Variants in RSPO2 observed in about 807,000 individuals in gnomAD.
RSPO2 encodes the protein R-spondin-2.
RSPO2 carries 14 observed loss-of-function variants against 30.9 expected under a neutral mutation model. The ratio of observed to expected loss-of-function variants is 0.45; its 90% CI spans 0.30 to 0.71. The LOEUF (loss-of-function observed/expected upper bound fraction) is 0.71. Ranked by LOEUF, RSPO2 falls within the 30% of genes least tolerant of loss-of-function variation. RSPO2 has a pLI of 0.08. For missense variants in RSPO2, 264 were observed against 301.9 expected (o/e 0.87, Z 0.93); for synonymous variants, 107 against 96.4 (o/e 1.11, Z -0.64).
chr8:108,068,827 G>C (rs941613426), intron 2 of RSPO2, among the ~76,000 whole-genome samples: 1 of 152,202 alleles, frequency 6.6e-6, no homozygotes, highest in Admixed American at 6.5e-5. Context: ...TCCTCCCCTA[G>C]AGTCTCAGAG....
chr8:107,959,357 A>G (rs991263605), intron 4 of RSPO2, among the ~76,000 whole-genome samples: 6 of 152,200 alleles, frequency 3.9e-5, no homozygotes, highest in African/African-American at 9.7e-5. Flanking sequence ...AAGTCCACAT[A>G]GTGGAAAATA....
intron 3 of RSPO2, among the ~76,000 whole-genome samples, chr8:107,963,522 CAAAAAAAAAAAAAAA>C (rs61697128): frequency 7.8e-4 from 25 of 32,020 alleles, no homozygotes; most frequent in African/African-American, 2.9e-3. Flanking sequence ...AGACCTGTCT[CAAAAAAAAAAAAAAA>C]AAAAAAAAAA....
intron 5 of RSPO2, among the ~76,000 whole-genome samples, chr8:107,906,694 GAGC>G (rs1221339650): frequency 6.6e-6 from 1 of 151,950 alleles, no homozygotes; most frequent in African/African-American, 2.4e-5. Context: ...CAAATATGAT[GAGC>G]AGGACTGGGA....
Position 107,901,027 on chromosome 8 carries a change from C to T in RSPO2, c.*48G>A, listed in dbSNP as rs1218033363. On this transcript the variant is annotated 3_prime_UTR_variant, in exon 6 of 6. Coordinates refer to ENST00000276659, the MANE Select transcript of RSPO2 (RefSeq NM_178565.5). ...TGCAGGAGTGGAGAGTAGCTTTGTGCACATTTGCAAAAACAAAAACCCCTA... is the reference window on the plus strand; with the variant it reads ...TGCAGGAGTGGAGAGTAGCTTTGTGTACATTTGCAAAAACAAAAACCCCTA... 2 of 1,602,718 alleles carry T rather than the reference C, an allele frequency of 1.2e-6. No homozygotes were observed. The highest frequency in any genetic ancestry group is 8.5e-7 in the Non-Finnish European group (1 of 1,173,726).
chr8:107,969,282 G>A (rs749839814), intron 3 of RSPO2, among the ~76,000 whole-genome samples: 1 of 152,036 alleles, frequency 6.6e-6, no homozygotes, highest in Non-Finnish European at 1.5e-5. Flanking sequence ...TAGCTATAGA[G>A]TTCTATCTTA....
chr8:108,016,408 T>G (rs1810890299), intron 2 of RSPO2, among the ~76,000 whole-genome samples: 3 of 152,196 alleles, frequency 2.0e-5, no homozygotes, highest in Admixed American at 2.0e-4. Flanking sequence ...ACTAGACTGC[T>G]GCAAGACCAG....
rs184590471 is a variant in RSPO2 at position 107,983,919 on chromosome 8, T to A, written c.283+5137A>T. ...CCCTTGGATTTTCCATCTACAGAAC[T>A]TCCTCTTATGGAGCTCTCTGAGGAT... On this transcript the variant is annotated intron_variant, in intron 3 of 5. Transcript: ENST00000276659. The A allele has an allele frequency of 4.9e-6, 6 of 1,213,972 alleles. No individual in the cohort carries two copies. In the African/African-American group the frequency reaches 7.5e-5, roughly 15 times the overall value. 75.2% of individuals were successfully genotyped at this position (1,213,972 alleles called of 1,614,324 possible). A position where few individuals can be genotyped will look rare whatever the true frequency, so the allele number is the denominator to read the frequency against.
intron 2 of RSPO2, among the ~76,000 whole-genome samples, chr8:108,071,058 C>T (rs759518737): frequency 5.7e-4 from 87 of 152,114 alleles, no homozygotes; most frequent in Admixed American, 2.6e-4. Context: ...AAAACGACTG[C>T]TTGATATGCA....
At chr8:107,935,827 G>A (rs1207800168) in intron 5 of RSPO2, among the ~76,000 whole-genome samples, 5 of 151,674 alleles carry the variant, frequency 3.3e-5, no homozygotes, top group East Asian at 1.9e-4. Context: ...TTTTTAAATC[G>A]ATAACAAAAT....
chr8:108,010,697 G>A (rs147012028), intron 2 of RSPO2, among the ~76,000 whole-genome samples: 30 of 152,156 alleles, frequency 2.0e-4, no homozygotes, highest in Non-Finnish European at 2.8e-4. Flanking sequence ...GTCAGCACAC[G>A]CAGGGGACAG....
chr8:108,001,499 G>A (rs544848431), intron 2 of RSPO2, among the ~76,000 whole-genome samples: 2 of 152,250 alleles, frequency 1.3e-5, no homozygotes, highest in East Asian at 3.9e-4. Context: ...ATGAAAAAAA[G>A]TGTACAATTA....
chr8:107,908,187 T>C (rs1368354367), intron 5 of RSPO2, among the ~76,000 whole-genome samples: 2 of 152,142 alleles, frequency 1.3e-5, no homozygotes, highest in African/African-American at 2.4e-5. Flanking sequence ...TTCGAGTGTA[T>C]GACATGGCTT....
intron 3 of RSPO2, among the ~76,000 whole-genome samples, chr8:107,988,802 AT>A (rs2130523842): frequency 6.6e-6 from 1 of 152,064 alleles, no homozygotes; most frequent in South Asian, 2.1e-4. Context: ...TAATTTTTGT[AT>A]TTTTAGTAGA....
chr8:108,026,910 C>A (rs1279070214), intron 2 of RSPO2, among the ~76,000 whole-genome samples: 1 of 152,022 alleles, frequency 6.6e-6, no homozygotes, highest in Non-Finnish European at 1.5e-5. Flanking sequence ...AAATGGCATA[C>A]AAGAATTATG....
chr8:108,012,491 TAA>T (rs1275747520), intron 2 of RSPO2, among the ~76,000 whole-genome samples: 1 of 152,220 alleles, frequency 6.6e-6, no homozygotes, highest in Non-Finnish European at 1.5e-5. Flanking sequence ...CCAAAAACCC[TAA>T]AATTACATGT....
chr8:108,052,656 A>G (rs1812111174), intron 2 of RSPO2, among the ~76,000 whole-genome samples: 1 of 152,166 alleles, frequency 6.6e-6, no homozygotes, highest in Non-Finnish European at 1.5e-5. Flanking sequence ...CACACTTGCC[A>G]TGTTCCAAGG....
At chr8:108,054,021 C>T (rs189503583) in intron 2 of RSPO2, among the ~76,000 whole-genome samples, 9 of 152,218 alleles carry the variant, frequency 5.9e-5, no homozygotes, top group South Asian at 2.1e-4. Flanking sequence ...AGCACTCTCT[C>T]GAGTTGTTTT....
At chr8:108,050,265 T>G (rs1490771592) in intron 2 of RSPO2, among the ~76,000 whole-genome samples, 2 of 152,158 alleles carry the variant, frequency 1.3e-5, no homozygotes, top group African/African-American at 4.8e-5. Context: ...GAAAGTAAGT[T>G]GCTGGAATAT....
At position 108,082,666 on chromosome 8, in the gene RSPO2, C is replaced by T. The variant is rs1171528059; in HGVS notation, c.-28G>A. The T allele has an allele frequency of 1.9e-6, 3 of 1,582,128 alleles. No individual in the cohort carries two copies. Among genetic ancestry groups the T allele is most frequent in the Non-Finnish European group, 2.6e-6 (3 of 1,151,720 alleles). On this transcript the variant is annotated 5_prime_UTR_variant, in exon 2 of 6. Transcript: ENST00000276659. ...GGGCGGTCGGGCGGGGGAGAGACGC[C>T]TCTCAAAGTCTAGGAACTGGAGGGT...
Sources: allele counts gnomAD v4.1 joint callset (sites outside exome capture counted in the v4.1 genomes callset), GRCh38; gene constraint gnomAD v4.1.1; transcripts MANE v1.5; gene names NCBI Gene and HGNC (gene_info 2026-07-23, HGNC 2026-07-21).